LRP1B: variants seen among roughly 807,000 people sequenced by gnomAD.
The protein encoded by LRP1B is LDL receptor related protein 1B.
Under a neutral mutation model 556.6 loss-of-function variants are expected in LRP1B, and 217 were observed. The ratio of observed to expected loss-of-function variants is 0.39; its 90% CI spans 0.35 to 0.44. The LOEUF (loss-of-function observed/expected upper bound fraction) is 0.44, where lower values mean the gene tolerates loss of function less well. LRP1B is among the 20% of genes least tolerant of loss of function. LRP1B has a pLI of 1.00. For synonymous variants in LRP1B, 2,047 were observed against 1,865.8 expected, an observed-to-expected ratio of 1.10 and a Z score of -2.50; for missense variants, 5,053 against 5,620.8, an observed-to-expected ratio of 0.90 and a Z score of 3.23.
At chr2:140,494,733 T>G (rs1227407098) in intron 56 of LRP1B, among the ~76,000 whole-genome samples, 1 of 151,818 alleles carries the variant, frequency 6.6e-6, no homozygotes, top group Non-Finnish European at 1.5e-5. Context: ...ATGTGTAAAG[T>G]TTTAACCCAT....
intron 2 of LRP1B, among the ~76,000 whole-genome samples, chr2:141,652,564 G>T (rs565892183): frequency 6.6e-6 from 1 of 152,294 alleles, no homozygotes; most frequent in African/African-American, 2.4e-5. Flanking sequence ...AGCCTGCAGA[G>T]TGTAGAGAGG....
At chr2:141,771,561 A>G (rs993007623) in intron 2 of LRP1B, among the ~76,000 whole-genome samples, 15 of 152,228 alleles carry the variant, frequency 9.9e-5, no homozygotes, top group Admixed American at 2.0e-4. Flanking sequence ...AACATTGTTT[A>G]CTTTAGAAGG....
intron 43 of LRP1B, among the ~76,000 whole-genome samples, chr2:140,574,643 G>C (rs1483726311): frequency 6.6e-6 from 1 of 152,154 alleles, no homozygotes; most frequent in Non-Finnish European, 1.5e-5. Flanking sequence ...CAGCTGCCAG[G>C]AAGATGACAA....
chr2:140,760,745 G>T (rs1360367313), intron 35 of LRP1B, among the ~76,000 whole-genome samples: 1 of 152,036 alleles, frequency 6.6e-6, no homozygotes, highest in Non-Finnish European at 1.5e-5. Context: ...AAATTAACTG[G>T]CGTGGTTGTG....
intron 20 of LRP1B, among the ~76,000 whole-genome samples, chr2:140,936,499 G>A (rs1695215848): frequency 1.3e-5 from 2 of 151,988 alleles, no homozygotes; most frequent in African/African-American, 4.8e-5. Flanking sequence ...CAAAAGCTTA[G>A]GGAGTTCCTT....
chr2:141,651,422 G>A (rs1393553081), intron 2 of LRP1B, among the ~76,000 whole-genome samples: 1 of 152,158 alleles, frequency 6.6e-6, no homozygotes, highest in African/African-American at 2.4e-5. Context: ...CCAGGACTTT[G>A]GGAGGCGGAG....
chr2:141,887,311 T>C (rs904716208), intron 1 of LRP1B, among the ~76,000 whole-genome samples: 5 of 152,212 alleles, frequency 3.3e-5, no homozygotes, highest in African/African-American at 1.2e-4. Flanking sequence ...TGGTTGATTT[T>C]TGTCTATGTA....
chr2:141,509,128 G>A (rs984644881), intron 2 of LRP1B, among the ~76,000 whole-genome samples: 1 of 152,034 alleles, frequency 6.6e-6, no homozygotes, highest in African/African-American at 2.4e-5. Context: ...AATCATAACA[G>A]AGAAAGAAAG....
intron 66 of LRP1B, among the ~76,000 whole-genome samples, chr2:140,423,367 C>CTT (rs1376957950): frequency 2.6e-5 from 4 of 151,956 alleles, no homozygotes; most frequent in African/African-American, 9.6e-5. Flanking sequence ...AAAAGGAAAG[C>CTT]TTTTTTTTAA....
chr2:141,439,104 A>G (rs1280840248), intron 3 of LRP1B, among the ~76,000 whole-genome samples: 2 of 152,194 alleles, frequency 1.3e-5, no homozygotes, highest in Non-Finnish European at 2.9e-5. Context: ...ATACAGCAAA[A>G]CAACTTAATG....
intron 1 of LRP1B, among the ~76,000 whole-genome samples, chr2:142,073,467 C>T (rs1705394777): frequency 6.6e-6 from 1 of 152,012 alleles, no homozygotes. Context: ...ACTTCAATAA[C>T]TAAATTTCTA....
intron 2 of LRP1B, among the ~76,000 whole-genome samples, chr2:141,595,554 T>C (rs912531941): frequency 6.6e-6 from 1 of 152,192 alleles, no homozygotes; most frequent in South Asian, 2.1e-4. Context: ...AGTTTTGAAG[T>C]GTATAATTTA....
At chr2:140,963,331 G>A (rs1696094972) in intron 18 of LRP1B, among the ~76,000 whole-genome samples, 1 of 151,882 alleles carries the variant, frequency 6.6e-6, no homozygotes, top group African/African-American at 2.4e-5. Flanking sequence ...GAAAGGAAAA[G>A]AACATAAATC....
intron 3 of LRP1B, among the ~76,000 whole-genome samples, chr2:141,266,229 C>G (rs1018306526): frequency 6.8e-6 from 1 of 147,668 alleles, no homozygotes; most frequent in Non-Finnish European, 1.5e-5. Context: ...GAGGCTGAGA[C>G]AGAAGAATGG....
chr2:141,800,027 C>A (rs1231502525), intron 2 of LRP1B, among the ~76,000 whole-genome samples: 1 of 152,026 alleles, frequency 6.6e-6, no homozygotes, highest in Admixed American at 6.6e-5. Flanking sequence ...ATCTTCTCTC[C>A]AATTATTACT....
chr2:141,733,687 A>C (rs1693362529), intron 2 of LRP1B, among the ~76,000 whole-genome samples: 1 of 152,092 alleles, frequency 6.6e-6, no homozygotes, highest in South Asian at 2.1e-4. Flanking sequence ...GTTGTCTTAC[A>C]TGGAGGTCCT....
At chr2:141,721,982 A>T (rs550030920) in intron 2 of LRP1B, among the ~76,000 whole-genome samples, 1 of 152,344 alleles carries the variant, frequency 6.6e-6, no homozygotes, top group African/African-American at 2.4e-5. Context: ...GCATTTAAAA[A>T]TAGTTTCCTC....
intron 2 of LRP1B, among the ~76,000 whole-genome samples, chr2:141,696,510 C>T (rs1257390315): frequency 1.3e-5 from 2 of 151,668 alleles, no homozygotes; most frequent in African/African-American, 2.4e-5. Flanking sequence ...TCTGGTTTAC[C>T]GTTCTGGACA....
chr2:140,577,155 A>C (rs1681558795), intron 43 of LRP1B, among the ~76,000 whole-genome samples: 1 of 152,146 alleles, frequency 6.6e-6, no homozygotes, highest in Non-Finnish European at 1.5e-5. Context: ...TGGGAGATCA[A>C]CTTTGAAAGT....
Sources: gnomAD v4.1 joint callset for allele counts (sites outside exome capture counted in the v4.1 genomes callset) on GRCh38, gnomAD v4.1.1 for gene constraint, MANE v1.5 for transcripts, NCBI Gene and HGNC (gene_info 2026-07-23, HGNC 2026-07-21) for gene names.